COL4A5: variants seen among roughly 807,000 people sequenced by gnomAD.
COL4A5 encodes the protein collagen alpha-5(IV) chain.
In COL4A5, 26 loss-of-function variants were observed where a neutral mutation model predicts 130.2. The ratio of observed to expected loss-of-function variants is 0.20; its 90% CI spans 0.15 to 0.28. The LOEUF (loss-of-function observed/expected upper bound fraction) is 0.28, where lower values mean the gene tolerates loss of function less well. Ranked by LOEUF, COL4A5 falls within the 10% of genes least tolerant of loss-of-function variation. The pLI is 1.00. For synonymous variants in COL4A5, 496 were observed against 439.6 expected (o/e 1.13, Z -1.60); for missense variants, 1,131 against 1,344.3 (o/e 0.84, Z 2.48).
At chrX:108,528,773 T>C (rs1031543874) in intron 1 of COL4A5, among the ~76,000 whole-genome samples, 3 of 112,382 alleles carry the variant, frequency 2.7e-5, no homozygotes, top group African/African-American at 9.7e-5. Context: ...AATAAAGAAA[T>C]AAGAATTTTA....
At chrX:108,557,725 TAGTC>T (rs1438095312) in intron 2 of COL4A5, among the ~76,000 whole-genome samples, 1 of 110,648 alleles carries the variant, frequency 9.0e-6, no homozygotes, top group Non-Finnish European at 1.9e-5. Flanking sequence ...AATGGCCCCT[TAGTC>T]AGCCACCTAG....
intron 1 of COL4A5, among the ~76,000 whole-genome samples, chrX:108,450,135 A>G (rs943107313): frequency 8.9e-6 from 1 of 112,296 alleles, no homozygotes; most frequent in Non-Finnish European, 1.9e-5. Flanking sequence ...TTAATATTAC[A>G]TATGACAAAA....
At chrX:108,658,767 G>A (rs2067894571) in intron 37 of COL4A5, among the ~76,000 whole-genome samples, 1 of 111,170 alleles carries the variant, frequency 9.0e-6, no homozygotes, top group Non-Finnish European at 1.9e-5. Context: ...TTTTAATAAT[G>A]TTTTGATATA....
intron 1 of COL4A5, among the ~76,000 whole-genome samples, chrX:108,456,533 T>C (rs763363768): frequency 8.9e-6 from 1 of 112,015 alleles, no homozygotes; most frequent in African/African-American, 3.2e-5. Context: ...GTTTTTCCTT[T>C]CCATTACCTA....
intron 1 of COL4A5, among the ~76,000 whole-genome samples, chrX:108,484,204 G>C (rs2064922285): frequency 8.9e-6 from 1 of 111,848 alleles, no homozygotes; most frequent in Admixed American, 9.5e-5. Flanking sequence ...AAATTTATCT[G>C]ATAGAATTAT....
At chrX:108,612,903 G>A (rs2066861461) in intron 29 of COL4A5, among the ~76,000 whole-genome samples, 1 of 112,000 alleles carries the variant, frequency 8.9e-6, no homozygotes, top group African/African-American at 3.2e-5. Context: ...TGTGGTATGT[G>A]TGAAATACAG....
At chrX:108,535,448 G>GT (rs2065443051) in intron 1 of COL4A5, among the ~76,000 whole-genome samples, 2 of 111,111 alleles carry the variant, frequency 1.8e-5, no homozygotes, top group South Asian at 3.7e-4. Flanking sequence ...ATGAAGGCAT[G>GT]TTTTTTCTAC....
At chrX:108,444,278 G>A (rs780230594) in intron 1 of COL4A5, among the ~76,000 whole-genome samples, 11 of 106,556 alleles carry the variant, frequency 1.0e-4, no homozygotes, top group East Asian at 2.9e-4. Flanking sequence ...GTGCAGTGGC[G>A]CGATGATCTC....
rs185722112 is a variant in COL4A5 at position 108,516,893 on chromosome X, T to C, written c.82-22853T>C. 3.1e-3 allele frequency among the ~76,000 whole-genome samples: 343 copies of C among 111,645 alleles called. 1 individual carries two copies. The highest frequency in any genetic ancestry group is 0.011 in the South Asian group (29 of 2,669). ...AAAGCAAAAGATGGAGTTCAAGTGT[T>C]AGCCTACGGTGCTATTCTAATCTAA... On this transcript the variant is annotated intron_variant, in intron 1 of 52. Transcript: ENST00000328300.
intron 37 of COL4A5, among the ~76,000 whole-genome samples, chrX:108,658,184 A>G (rs1377620766): frequency 1.8e-5 from 2 of 111,205 alleles, no homozygotes; most frequent in African/African-American, 3.3e-5. Context: ...AGTTTTATCA[A>G]ATTCTTTTTC....
chrX:108,604,074 A>G (rs1172706476), intron 28 of COL4A5, among the ~76,000 whole-genome samples: 2 of 112,093 alleles, frequency 1.8e-5, no homozygotes, highest in Admixed American at 1.9e-4. Context: ...AAACCCTCAA[A>G]GTCATCTGTG....
chrX:108,668,320 C>T lies in COL4A5; in HGVS notation c.3606C>T (p.Gly1202=). ...PGPPGLPGLS[G]QKGDGGLPGI... ...TCTAATTATACTTTACTTTCATAGG[C>T]CAAAAGGGTGATGGAGGATTACCTG... The change falls in exon 41 of 53, where the codon GGC becomes GGT. Residue 1202 remains glycine (G), a splice_region_variant and synonymous_variant. Coordinates refer to ENST00000328300, the MANE Select transcript of COL4A5 (RefSeq NM_033380.3). 1 of 1,208,814 alleles carries T rather than the reference C, an allele frequency of 8.3e-7. No homozygotes were observed. Among genetic ancestry groups the T allele is most frequent in the Non-Finnish European group, 1.1e-6 (1 of 893,393 alleles).
chrX:108,499,789 C>T (rs1050664083), intron 1 of COL4A5, among the ~76,000 whole-genome samples: 1 of 111,602 alleles, frequency 9.0e-6, no homozygotes. Context: ...CTCAAACATA[C>T]GTCTGTGTGT....
chrX:108,544,894 C>T (rs139334537), intron 2 of COL4A5, among the ~76,000 whole-genome samples: 2,105 of 111,754 alleles, frequency 0.019, 21 homozygotes, highest in Middle Eastern at 0.032. Flanking sequence ...AGTTTATTTG[C>T]GTAGAGGTGT....
rs755269141 is a variant in COL4A5, at chrX:108,692,964, A to G, written c.4706+39A>G. The G allele has an allele frequency of 5.9e-6, 7 of 1,192,438 alleles. No homozygotes were observed. In the Middle Eastern group the frequency reaches 1.2e-3, roughly 200 times the overall value. ...TTAGCTGTGACTTTTACCAATCCCC[A>G]GTTAGTTAGCTAGTCAGATTTGAGT... On this transcript the variant is annotated intron_variant, in intron 50 of 52. Coordinates refer to ENST00000328300, the MANE Select transcript of COL4A5 (RefSeq NM_033380.3).
At chrX:108,553,355 A>G (rs1215903248) in intron 2 of COL4A5, among the ~76,000 whole-genome samples, 1 of 112,141 alleles carries the variant, frequency 8.9e-6, no homozygotes, top group Non-Finnish European at 1.9e-5. Flanking sequence ...GAAGACTTGT[A>G]TCCAGAATAT....
At chrX:108,478,938 G>A (rs892168680) in intron 1 of COL4A5, among the ~76,000 whole-genome samples, 2 of 112,033 alleles carry the variant, frequency 1.8e-5, no homozygotes, top group Non-Finnish European at 3.8e-5. Flanking sequence ...GCCATATCGA[G>A]TGCTCATTTT....
At chrX:108,507,248 AAAAAAAAAAAAAAG>A (rs988834203) in intron 1 of COL4A5, among the ~76,000 whole-genome samples, 1 of 91,656 alleles carries the variant, frequency 1.1e-5, no homozygotes, top group East Asian at 3.4e-4. Context: ...CAACAACAAC[AAAAAAAAAAAAAAG>A]AAAAAAAAAA....
intron 1 of COL4A5, among the ~76,000 whole-genome samples, chrX:108,506,398 G>T (rs767451335): frequency 2.8e-5 from 3 of 107,871 alleles, no homozygotes; most frequent in African/African-American, 1.0e-4. Flanking sequence ...CTACCTACCT[G>T]TCTATAAGAC....
Sources: gnomAD v4.1 joint callset for allele counts (sites outside exome capture counted in the v4.1 genomes callset) on GRCh38, gnomAD v4.1.1 for gene constraint, MANE v1.5 for transcripts, NCBI Gene and HGNC (gene_info 2026-07-23, HGNC 2026-07-21) for gene names.